DNAH12: variants seen among roughly 807,000 people sequenced by gnomAD.
DNAH12 encodes axonemal beta dynein heavy chain 12.
A neutral mutation model predicts 371.5 loss-of-function variants in DNAH12; 285 were observed. The observed-to-expected ratio is 0.77, with a 90% CI of 0.70 to 0.85. DNAH12 has a LOEUF of 0.85. Among genes scored for constraint, DNAH12 ranks in the 40% least tolerant of loss-of-function variants. The pLI is 0.00. For missense variants in DNAH12, 3,611 were observed against 3,689.4 expected (o/e 0.98, Z 0.55); for synonymous variants, 1,200 against 1,213.0 (o/e 0.99, Z 0.22).
rs959205895 is a variant in DNAH12, at chr3:57,342,757, G to A, written c.9675-7817C>T. Among the ~76,000 whole-genome samples, 83 of 149,414 alleles carry A rather than the reference G, an allele frequency of 5.6e-4. 1 individual carries two copies. The highest frequency in any genetic ancestry group is 2.0e-3 in the African/African-American group (83 of 40,552). On this transcript the variant is annotated intron_variant, in intron 60 of 73. Coordinates refer to ENST00000495027, the MANE Select transcript of DNAH12 (RefSeq NM_001366028.2). ...TACAAGGAACTCAGACATGTCAACA[G>A]AACAAAAAAATCTAATTTTTAAATG...
At chr3:57,422,018 T>C (rs1390551605) in intron 35 of DNAH12, among the ~76,000 whole-genome samples, 1 of 150,394 alleles carries the variant, frequency 6.6e-6, no homozygotes, top group African/African-American at 2.5e-5. Context: ...GTGATTCTGG[T>C]GTCTCAGCCT....
chr3:57,417,185 G>A (rs1164127964), intron 37 of DNAH12, among the ~76,000 whole-genome samples: 1 of 152,160 alleles, frequency 6.6e-6, no homozygotes, highest in Non-Finnish European at 1.5e-5. Flanking sequence ...GGGAGGCAGA[G>A]GTTGTGGTGA....
chr3:57,314,933 TACA>T lies in DNAH12; in HGVS notation c.10525-305_10525-303del, dbSNP rs756265780. On this transcript the variant is annotated intron_variant, in intron 65 of 73. Transcript: ENST00000495027. ...TACTTTGGTATTACTCGCAGAGATT[TACA>T]ACTTCAATACTTAAATGTTATTCTG... is the stretch of plus-strand genomic sequence containing the variant. Among the ~76,000 whole-genome samples the T allele has an allele frequency of 1.7e-3, 266 of 152,338 alleles. 3 individuals are homozygous for T. Among genetic ancestry groups the T allele is most frequent in the Non-Finnish European group, 1.2e-3 (79 of 68,036 alleles).
At chr3:57,484,700 A>G (rs1217776196) in intron 12 of DNAH12, among the ~76,000 whole-genome samples, 2 of 152,214 alleles carry the variant, frequency 1.3e-5, no homozygotes, top group African/African-American at 2.4e-5. Context: ...GGACCTAATT[A>G]AACCAAAAAG....
chr3:57,448,863 C>T (rs6789252), intron 25 of DNAH12, among the ~76,000 whole-genome samples: 57,640 of 145,086 alleles, frequency 0.4, 11,793 homozygotes, highest in South Asian at 0.53. Flanking sequence ...ACTCACAAAC[C>T]TTGAGCTAAA....
intron 49 of DNAH12, among the ~76,000 whole-genome samples, chr3:57,383,144 C>T (rs971739960): frequency 1.3e-5 from 2 of 152,150 alleles, no homozygotes; most frequent in Non-Finnish European, 2.9e-5. Flanking sequence ...ATTTCTGCAG[C>T]GTGGCTTTGT....
At chr3:57,540,224 T>C (rs558936813) in intron 2 of DNAH12, among the ~76,000 whole-genome samples, 2 of 151,906 alleles carry the variant, frequency 1.3e-5, no homozygotes, top group South Asian at 4.2e-4. Context: ...CTAATTTTTG[T>C]ATTTTTAGTA....
At chr3:57,450,390 AAC>A (rs1168676706) in intron 25 of DNAH12, among the ~76,000 whole-genome samples, 5 of 151,218 alleles carry the variant, frequency 3.3e-5, no homozygotes, top group Admixed American at 3.3e-4. Flanking sequence ...CTCTACCAAA[AAC>A]ACAAAATTAG....
intron 58 of DNAH12, among the ~76,000 whole-genome samples, chr3:57,361,444 C>CACTATATATATA (rs1409626573): frequency 4.0e-4 from 47 of 116,678 alleles, no homozygotes; most frequent in African/African-American, 1.8e-3. Flanking sequence ...CACACACACA[C>CACTATATATATA]TATATATATA....
chr3:57,401,393 C>CAA (rs1172591337), intron 43 of DNAH12, among the ~76,000 whole-genome samples: 29,667 of 119,634 alleles, frequency 0.25, 3,704 homozygotes, highest in South Asian at 0.45. Context: ...TACTAAAATA[C>CAA]AAAAAAAAAA....
intron 62 of DNAH12, among the ~76,000 whole-genome samples, chr3:57,324,058 A>G (rs1012688845): frequency 2.6e-5 from 4 of 152,218 alleles, no homozygotes; most frequent in Admixed American, 1.3e-4. Context: ...TAATATTTTA[A>G]GGAAGCTATT....
chr3:57,311,179 G>A (rs943147969), intron 66 of DNAH12, among the ~76,000 whole-genome samples: 1 of 152,102 alleles, frequency 6.6e-6, no homozygotes, highest in African/African-American at 2.4e-5. Flanking sequence ...AGGTTCAAGC[G>A]ATTCTCCTGC....
rs369010253 is a variant in DNAH12, at chr3:57,483,782, CAAAAA to C, written c.1515-276_1515-272del. Among the ~76,000 whole-genome samples, 4 of 136,594 alleles carry C rather than the reference CAAAAA, an allele frequency of 2.9e-5. No homozygotes were observed. In the East Asian group the frequency reaches 8.4e-4, roughly 29 times the overall value. 89.6% of individuals were successfully genotyped at this position (136,594 alleles called of 152,430 possible). ...GCAAAGTGGTGAAACCCTGTCTCTA[CAAAAA>C]AAAAAAATACAAAAATTAGCTGGGC... On this transcript the variant is annotated intron_variant, in intron 12 of 73. Transcript: ENST00000495027.
intron 69 of DNAH12, among the ~76,000 whole-genome samples, chr3:57,304,686 AG>A (rs1171495691): frequency 1.3e-5 from 2 of 152,156 alleles, no homozygotes; most frequent in African/African-American, 4.8e-5. Flanking sequence ...CTGACCACAC[AG>A]GGATGCCTGC....
At chr3:57,367,919 A>G (rs974773464) in intron 56 of DNAH12, 127 bp downstream of exon 56, 4 of 152,346 alleles carry the variant, frequency 2.6e-5, no homozygotes, top group African/African-American at 2.4e-5. Context: ...CCTTTCACTC[A>G]TAACAATGAG....
At chr3:57,409,449 G>A (rs1203993384) in intron 39 of DNAH12, among the ~76,000 whole-genome samples, 5 of 152,000 alleles carry the variant, frequency 3.3e-5, no homozygotes, top group Admixed American at 2.0e-4. Context: ...AGACAAATAT[G>A]CACTGATATG....
At chr3:57,500,160 C>G (rs563027171) in intron 11 of DNAH12, among the ~76,000 whole-genome samples, 7 of 140,994 alleles carry the variant, frequency 5.0e-5, no homozygotes, top group African/African-American at 2.2e-4. Flanking sequence ...ACTCCTCAGC[C>G]CCCCCTAGTA....
chr3:57,310,867 T>C lies in DNAH12; in HGVS notation c.10746A>G (p.Thr3582=). The change falls in exon 67 of 74, where the codon ACA becomes ACG. Residue 3582 remains threonine (T), a synonymous_variant. Coordinates refer to ENST00000495027, the MANE Select transcript of DNAH12 (RefSeq NM_001366028.2). The part of the protein sequence containing the change: ...TGECNYGGRV[T]DDWDRRLLLT... Reference sequence around the variant, plus strand: ...ATAGAAGACGTCTGTCCCAATCGTCTGTCACTCTTCCTCCATAATTACACT... The same window carrying C: ...ATAGAAGACGTCTGTCCCAATCGTCCGTCACTCTTCCTCCATAATTACACT... The C allele has an allele frequency of 6.4e-7, 1 of 1,551,640 alleles. No homozygotes were observed. Among genetic ancestry groups the C allele is most frequent in the Non-Finnish European group, 8.7e-7 (1 of 1,146,926 alleles).
At chr3:57,509,047 G>T in intron 6 of DNAH12, 93 bp downstream of exon 6, 1 of 1,076,788 alleles carries the variant, frequency 9.3e-7, no homozygotes, top group Non-Finnish European at 1.4e-6. Flanking sequence ...ATACCTTTGA[G>T]CATCACAATT....
Sources: gnomAD v4.1 joint callset for allele counts (sites outside exome capture counted in the v4.1 genomes callset) on GRCh38, gnomAD v4.1.1 for gene constraint, MANE v1.5 for transcripts, NCBI Gene and HGNC (gene_info 2026-07-23, HGNC 2026-07-21) for gene names.